Variants in MAP4K5 observed in about 807,000 individuals in gnomAD.
MAP4K5 encodes the protein MAPK/ERK kinase kinase kinase 5.
A neutral mutation model predicts 135.6 loss-of-function variants in MAP4K5; 82 were observed. That is an observed-to-expected ratio of 0.60 (90% CI 0.51 to 0.73). The LOEUF (loss-of-function observed/expected upper bound fraction) is 0.73. Ranked by LOEUF, MAP4K5 falls within the 30% of genes least tolerant of loss-of-function variation. MAP4K5 has a pLI of 0.00. For synonymous variants in MAP4K5, 347 were observed against 335.0 expected (o/e 1.04, Z -0.39); for missense variants, 907 against 1,010.9 (o/e 0.90, Z 1.39).
Position 50,457,346 on chromosome 14 carries a change from G to T in MAP4K5, c.937-752C>A, listed in dbSNP as rs115532258. 5.9e-3 allele frequency among the ~76,000 whole-genome samples: 895 copies of T among 152,186 alleles called. 8 individuals are homozygous for T. Among genetic ancestry groups the T allele is most frequent in the African/African-American group, 0.02 (841 of 41,516 alleles). On this transcript the variant is annotated intron_variant, in intron 13 of 32. Coordinates refer to ENST00000682126, the MANE Select transcript of MAP4K5 (RefSeq NM_006575.6). ...TAAATATGTATGAGACTATGGAGGG[G>T]AGAAATATTGGATACAGGGAGATTG...
chr14:50,501,097 T>A lies in MAP4K5; in HGVS notation c.166+3703A>T, dbSNP rs34432763. Among the ~76,000 whole-genome samples the A allele has an allele frequency of 9.0e-4, 137 of 152,240 alleles. 1 individual carries two copies. Among genetic ancestry groups the A allele is most frequent in the Non-Finnish European group, 1.3e-3 (90 of 68,008 alleles). On this transcript the variant is annotated intron_variant, in intron 3 of 32. Coordinates refer to ENST00000682126, the MANE Select transcript of MAP4K5 (RefSeq NM_006575.6). ...CATTTATAAATTATAAATATTATAT[T>A]TCTTAAAAGAAGGTACACATAGTAA... is the stretch of plus-strand genomic sequence containing the variant.
At position 50,553,669 on chromosome 14, in the gene MAP4K5, C is replaced by T. The variant is rs769293291; in HGVS notation, c.-180+7371G>A. Among the ~76,000 whole-genome samples the T allele has an allele frequency of 3.3e-5, 5 of 152,228 alleles. No homozygotes were observed. In the South Asian group the frequency reaches 8.3e-4, roughly 25 times the overall value. On this transcript the variant is annotated intron_variant, in intron 1 of 8. Coordinates refer to the MAP4K5 transcript ENST00000555216. ...ATGCACACGCATGTTTGTAGCAGCA[C>T]AATTCACAATTACAAAGATATGGAA...
chr14:50,430,971 A>C lies in MAP4K5; in HGVS notation c.2165-1711T>G, dbSNP rs1375038207. Among the ~76,000 whole-genome samples, 7 of 152,338 alleles carry C rather than the reference A, an allele frequency of 4.6e-5. No individual in the cohort carries two copies. The South Asian group carries it at 1.5e-3, about 32-fold the overall frequency. On this transcript the variant is annotated intron_variant, in intron 28 of 32. Coordinates refer to ENST00000682126, the MANE Select transcript of MAP4K5 (RefSeq NM_006575.6). ...TATTCCTTGAACAGAATTCCTACTT[A>C]GAAGCCTAAGAGTCAGAGCCTGCTT... is the stretch of plus-strand genomic sequence containing the variant.
At chr14:50,462,365 T>C (rs934760812) in intron 13 of MAP4K5, among the ~76,000 whole-genome samples, 1 of 152,114 alleles carries the variant, frequency 6.6e-6, no homozygotes, top group African/African-American at 2.4e-5. Flanking sequence ...CTGATTTCAA[T>C]CTCAGCTACC....
Position 50,428,730 on chromosome 14 carries a change from T to C in MAP4K5, c.2258A>G (p.Gln753Arg). The change falls in exon 30 of 33, where the codon CAA becomes CGA. Residue 753 changes from glutamine (Q) to arginine (R), a missense_variant. Gln to Arg is a conservative substitution (Grantham distance 43). Around this residue, in one of 3 missense-constraint regions of MAP4K5, gnomAD observed 690 missense variants for 777.4 expected, o/e 0.89. Coordinates refer to ENST00000682126, the MANE Select transcript of MAP4K5 (RefSeq NM_006575.6). ...TTTCTTACTTGATTTTAATTTTCCT[T>C]GTAGATTTACAATTTTCACAAATTC... The part of the protein sequence containing the change: ...LDKFVKIVNL[Q>R]GKLKSSKKLA... 2 of 1,500,872 alleles carry C rather than the reference T, an allele frequency of 1.3e-6. No homozygotes were observed. The highest frequency in any genetic ancestry group is 1.8e-6 in the Non-Finnish European group (2 of 1,123,936). The allele number at this position is 1,500,872 out of a possible 1,614,324, so 93.0% of individuals were successfully genotyped here.
At chr14:50,542,955 G>A (rs981062715) in intron 1 of MAP4K5, among the ~76,000 whole-genome samples, 1 of 152,226 alleles carries the variant, frequency 6.6e-6, no homozygotes, top group Admixed American at 6.5e-5. Context: ...TTACTTGGAA[G>A]GAAGAAGATT....
At chr14:50,449,812 A>T (rs1486969277) in intron 14 of MAP4K5, 1 of 152,232 alleles carries the variant, frequency 6.6e-6, no homozygotes, top group Non-Finnish European at 1.5e-5. Flanking sequence ...ATTCATAAAG[A>T]ACCTCTTTAG....
At chr14:50,550,445 C>T (rs2038688202) in intron 1 of MAP4K5, among the ~76,000 whole-genome samples, 1 of 152,188 alleles carries the variant, frequency 6.6e-6, no homozygotes, top group Non-Finnish European at 1.5e-5. Context: ...AGCGGTCAGC[C>T]ACCAGTCCTA....
chr14:50,529,055 T>C (rs941871252), intron 2 of MAP4K5, among the ~76,000 whole-genome samples: 3 of 152,232 alleles, frequency 2.0e-5, no homozygotes, highest in Non-Finnish European at 4.4e-5. Flanking sequence ...TAGATGAAAT[T>C]TGTAATAAAA....
intron 2 of MAP4K5, among the ~76,000 whole-genome samples, chr14:50,519,494 A>C (rs1054756745): frequency 2.0e-5 from 3 of 151,986 alleles, no homozygotes; most frequent in African/African-American, 7.3e-5. Context: ...GTCTCTATAA[A>C]AATACAAAAA....
chr14:50,548,901 C>T (rs928034738), intron 1 of MAP4K5, among the ~76,000 whole-genome samples: 4 of 152,112 alleles, frequency 2.6e-5, no homozygotes, highest in African/African-American at 9.7e-5. Flanking sequence ...CAAGCAGAGG[C>T]CATCACCACC....
Position 50,482,386 on chromosome 14 carries a change from G to C in MAP4K5, c.353C>G (p.Ala118Gly). The change falls in exon 6 of 33, where the codon GCC becomes GGC. Residue 118 changes from alanine to glycine, a missense_variant. Ala to Gly is a moderately conservative substitution (Grantham distance 60, BLOSUM62 0). Around this residue, in one of 3 missense-constraint regions of MAP4K5, gnomAD observed 196 missense variants for 189.3 expected, o/e 1.04. Transcript: ENST00000682126. ...CTGTAAGGTTTCTCTGCATACATAG[G>C]CTATTTGCAATTCTGATAATGGTCC... ...VTGPLSELQI[A>G]YVCRETLQGL... 1 of 1,531,892 alleles carries C rather than the reference G, an allele frequency of 6.5e-7. No individual in the cohort carries two copies. Among genetic ancestry groups the C allele is most frequent in the Non-Finnish European group, 8.8e-7 (1 of 1,141,160 alleles). 94.9% of individuals were successfully genotyped at this position (1,531,892 alleles called of 1,614,324 possible).
intron 2 of MAP4K5, among the ~76,000 whole-genome samples, chr14:50,509,361 G>A (rs2037882515): frequency 6.6e-6 from 1 of 152,124 alleles, no homozygotes; most frequent in African/African-American, 2.4e-5. Context: ...AGATACTAGA[G>A]AAAAGTATTA....
intron 2 of MAP4K5, among the ~76,000 whole-genome samples, chr14:50,525,983 C>A (rs1011711569): frequency 6.6e-6 from 1 of 152,174 alleles, no homozygotes. Flanking sequence ...GAAATGACAT[C>A]TCTGCCAGAT....
At chr14:50,426,289 T>G (rs1335251143) in intron 30 of MAP4K5, among the ~76,000 whole-genome samples, 1 of 152,172 alleles carries the variant, frequency 6.6e-6, no homozygotes, top group Non-Finnish European at 1.5e-5. Context: ...TCTTTTGTCT[T>G]AAATGAATAA....
chr14:50,464,315 A>T (rs748706704), intron 11 of MAP4K5, among the ~76,000 whole-genome samples, 182 bp from the exon 12 acceptor site: 1 of 152,216 alleles, frequency 6.6e-6, no homozygotes, highest in Non-Finnish European at 1.5e-5. Flanking sequence ...ATAAAATACA[A>T]TTAAGTAACA....
chr14:50,527,266 G>T (rs1011121527), intron 2 of MAP4K5, among the ~76,000 whole-genome samples: 21 of 152,138 alleles, frequency 1.4e-4, no homozygotes, highest in Non-Finnish European at 8.8e-5. Context: ...CTGAACCAGG[G>T]AGTCAGGAGG....
At chr14:50,474,523 T>C (rs368914344) in intron 9 of MAP4K5, among the ~76,000 whole-genome samples, 1 of 152,222 alleles carries the variant, frequency 6.6e-6, no homozygotes, top group East Asian at 1.9e-4. Flanking sequence ...AAAGCAGTGT[T>C]TTAGAAAGAT....
intron 1 of MAP4K5, among the ~76,000 whole-genome samples, chr14:50,548,047 C>G (rs1483494418): frequency 6.6e-6 from 1 of 152,126 alleles, no homozygotes; most frequent in Non-Finnish European, 1.5e-5. Context: ...TACAAACCAC[C>G]TTGGATGGCC....
Sources: allele counts gnomAD v4.1 joint callset (sites outside exome capture counted in the v4.1 genomes callset), GRCh38; gene constraint gnomAD v4.1.1; regional missense constraint gnomAD v4.1.1; transcripts MANE v1.5; gene names NCBI Gene and HGNC (gene_info 2026-07-23, HGNC 2026-07-21).